Variants in SNX8 observed in about 807,000 individuals in gnomAD.
SNX8 encodes the protein sorting nexin-8.
In SNX8, 25 loss-of-function variants were observed where a neutral mutation model predicts 51.6. The observed-to-expected ratio is 0.48, with a 90% CI of 0.35 to 0.68. SNX8 has a LOEUF of 0.68. Ranked by LOEUF, SNX8 falls within the 30% of genes least tolerant of loss-of-function variation. The probability of loss-of-function intolerance (pLI) is 0.00; values close to 1 mark genes in which losing one functional copy is unlikely to be tolerated. For missense variants in SNX8, 695 were observed against 624.0 expected, an observed-to-expected ratio of 1.11 and a Z score of -1.21; for synonymous variants, 324 against 277.0, an observed-to-expected ratio of 1.17 and a Z score of -1.68.
At chr7:2,287,787 A>C (rs11972805) in intron 1 of SNX8, 2,552 of 150,514 alleles carry the variant, frequency 0.017, 65 homozygotes, top group African/African-American at 0.058. Context: ...ACAACAACAA[A>C]AAAACTCTAT....
intron 1 of SNX8, among the ~76,000 whole-genome samples, chr7:2,323,122 G>A (rs1778561376): frequency 6.6e-6 from 1 of 152,126 alleles, no homozygotes; most frequent in South Asian, 2.1e-4. Flanking sequence ...CTGAGGTCAG[G>A]AGTTCTAGAC....
upstream of SNX8, among the ~76,000 whole-genome samples, chr7:2,315,609 AC>A (rs1414751974): frequency 7.9e-5 from 11 of 138,896 alleles, no homozygotes; most frequent in Non-Finnish European, 1.4e-4. Context: ...TCACTCACTC[AC>A]TTACTGCTTC....
intron 1 of SNX8, among the ~76,000 whole-genome samples, chr7:2,345,457 C>A (rs1012395079): frequency 4.6e-5 from 7 of 152,074 alleles, no homozygotes; most frequent in African/African-American, 1.7e-4. Flanking sequence ...GCAGGCAGAT[C>A]ACCTGAGGTC....
intron 1 of SNX8, among the ~76,000 whole-genome samples, chr7:2,286,888 C>T (rs762517044): frequency 5.3e-5 from 8 of 151,226 alleles, no homozygotes; most frequent in Non-Finnish European, 7.4e-5. Context: ...CACCTGTGAT[C>T]GCAGCACTTT....
chr7:2,257,217 G>T, intron 9 of SNX8, 148 bp downstream of exon 9: 1 of 1,143,482 alleles, frequency 8.7e-7, no homozygotes, highest in Non-Finnish European at 1.2e-6. Flanking sequence ...CTGGGCACGC[G>T]GGCCAGCTCC....
intron 1 of SNX8, among the ~76,000 whole-genome samples, chr7:2,320,876 C>A (rs111627590): frequency 6.6e-6 from 1 of 151,752 alleles, no homozygotes; most frequent in East Asian, 1.9e-4. Context: ...AAAAATTAGC[C>A]GGGCCTGGTG....
Position 2,286,478 on chromosome 7 carries a change from T to C in SNX8, c.95-8173A>G, listed in dbSNP as rs144261240. Among the ~76,000 whole-genome samples, 729 of 152,168 alleles carry C rather than the reference T, an allele frequency of 4.8e-3. 4 individuals carry two copies. The highest frequency in any genetic ancestry group is 0.016 in the African/African-American group (682 of 41,534). On this transcript the variant is annotated intron_variant, in intron 1 of 10. Transcript: ENST00000222990. ...CTATATTCATTTTTGCATATTACTT[T>C]CCATGTGCATAAAGCTGTAATGTGC...
chr7:2,276,748 C>T (rs575638352), intron 2 of SNX8, among the ~76,000 whole-genome samples: 1 of 151,980 alleles, frequency 6.6e-6, no homozygotes, highest in African/African-American at 2.4e-5. Flanking sequence ...AGCTCAAGAC[C>T]AGCCTGGACA....
At chr7:2,272,730 A>T (rs568634289) in intron 3 of SNX8, among the ~76,000 whole-genome samples, 1 of 152,230 alleles carries the variant, frequency 6.6e-6, no homozygotes, top group South Asian at 2.1e-4. Flanking sequence ...GCAATTACTC[A>T]TTGCTTTCAT....
At chr7:2,276,440 C>T (rs529683422) in intron 2 of SNX8, among the ~76,000 whole-genome samples, 2 of 152,176 alleles carry the variant, frequency 1.3e-5, no homozygotes, top group Non-Finnish European at 1.5e-5. Context: ...CCATTCGGAC[C>T]GTGTGGCCAC....
At chr7:2,309,853 G>A (rs1300351089) in intron 1 of SNX8, 1 of 471,174 alleles carries the variant, frequency 2.1e-6, no homozygotes, top group Non-Finnish European at 4.4e-6. Flanking sequence ...AGCCCAGGGT[G>A]CATGGAAGTC....
chr7:2,273,161 G>A (rs1795688060), intron 3 of SNX8, among the ~76,000 whole-genome samples: 1 of 151,740 alleles, frequency 6.6e-6, no homozygotes, highest in South Asian at 2.1e-4. Context: ...AATGTATTAA[G>A]AAATACAGCC....
Position 2,331,422 on chromosome 7 carries a change from A to G in SNX8, c.-66+22800T>C, listed in dbSNP as rs567373382. Among the ~76,000 whole-genome samples, 128 of 151,970 alleles carry G rather than the reference A, an allele frequency of 8.4e-4. 1 individual carries two copies. Among genetic ancestry groups the G allele is most frequent in the Middle Eastern group, 3.4e-3 (1 of 294 alleles). ...AAAAATACCTATATAAAAAGAATAA[A>G]TAGGCCAGGCGCGGTGGCTCATGCC... On this transcript the variant is annotated intron_variant, in intron 1 of 5. Transcript: ENST00000435336.
intron 1 of SNX8, among the ~76,000 whole-genome samples, chr7:2,322,025 G>T (rs1050360380): frequency 6.6e-6 from 1 of 152,014 alleles, no homozygotes; most frequent in Non-Finnish European, 1.5e-5. Context: ...GCCCGGCCTC[G>T]AATTTCTCAA....
chr7:2,280,118 C>A (rs1795877319), intron 1 of SNX8, among the ~76,000 whole-genome samples: 3 of 152,174 alleles, frequency 2.0e-5, no homozygotes, highest in Admixed American at 6.6e-5. Flanking sequence ...GACTCCCAAC[C>A]ACATGCACGG....
Position 2,269,631 on chromosome 7 carries a change from C to T in SNX8, c.549G>A (p.Gln183=). The change falls in exon 5 of 11, where the codon CAG becomes CAA. Residue 183 remains glutamine, a synonymous_variant. Coordinates refer to ENST00000222990, the MANE Select transcript of SNX8 (RefSeq NM_013321.4). ...LFLSFSGSDV[Q]NKLKESAQCV... is the part of the protein sequence containing the mutation. ...ACTGTGCTGACTCCTTTAACTTGTTCTGCACATCCTGCAAAAGGAAAACAC... is the reference window on the plus strand; with the variant it reads ...ACTGTGCTGACTCCTTTAACTTGTTTTGCACATCCTGCAAAAGGAAAACAC... The T allele has an allele frequency of 6.3e-7, 1 of 1,594,358 alleles. No homozygotes were observed. Among genetic ancestry groups the T allele is most frequent in the Non-Finnish European group, 8.5e-7 (1 of 1,170,432 alleles).
chr7:2,309,773 T>C (rs986432700), intron 1 of SNX8: 13 of 466,938 alleles, frequency 2.8e-5, no homozygotes, highest in Non-Finnish European at 4.0e-5. Context: ...GCGCAATGAA[T>C]TCTGACCAAC....
chr7:2,284,064 G>C (rs994055653), intron 1 of SNX8, among the ~76,000 whole-genome samples: 12 of 152,134 alleles, frequency 7.9e-5, no homozygotes, highest in Non-Finnish European at 1.5e-4. Flanking sequence ...CAAATTGCTG[G>C]GATTACAGGC....
intron 1 of SNX8, among the ~76,000 whole-genome samples, chr7:2,346,254 T>TGG (rs753124887): frequency 0.8 from 121,691 of 151,856 alleles, 48,949 homozygotes; most frequent in African/African-American, 0.86. Context: ...AAGTTTGAGC[T>TGG]CACATAGTGA....
Sources: gnomAD v4.1 joint callset for allele counts (sites outside exome capture counted in the v4.1 genomes callset) on GRCh38, gnomAD v4.1.1 for gene constraint, MANE v1.5 for transcripts, NCBI Gene and HGNC (gene_info 2026-07-23, HGNC 2026-07-21) for gene names.